ADAM32: variants seen among roughly 807,000 people sequenced by gnomAD.
ADAM32 encodes ADAM metallopeptidase domain 32, also known as disintegrin and metalloproteinase domain-containing protein 32.
ADAM32 carries 89 observed loss-of-function variants against 114.9 expected under a neutral mutation model. The observed-to-expected ratio is 0.77, with a 90% CI of 0.65 to 0.92. ADAM32 has a LOEUF of 0.92. Among genes scored for constraint, ADAM32 ranks in the 40% least tolerant of loss-of-function variants. The probability of loss-of-function intolerance (pLI) is 0.00; values close to 1 mark genes in which losing one functional copy is unlikely to be tolerated. For missense variants in ADAM32, 870 were observed against 932.8 expected (o/e 0.93, Z 0.88); for synonymous variants, 285 against 307.5 (o/e 0.93, Z 0.77).
intron 11 of ADAM32, 99 bp downstream of exon 11, chr8:39,187,144 A>G (rs1482379256): frequency 4.8e-5 from 52 of 1,077,056 alleles, no homozygotes; most frequent in Non-Finnish European, 6.6e-5. Flanking sequence ...TTAGCTATCA[A>G]TGGACCAAAT....
At position 39,110,163 on chromosome 8, in the gene ADAM32, G is replaced by A. The variant is rs189122361; in HGVS notation, c.58+2330G>A. 1.1e-3 allele frequency among the ~76,000 whole-genome samples: 163 copies of A among 152,142 alleles called. 1 individual carries two copies. The highest frequency in any genetic ancestry group is 3.9e-3 in the African/African-American group (160 of 41,492). On this transcript the variant is annotated intron_variant, in intron 1 of 24. Transcript: ENST00000379907. ...TGGCTCACTGCAAACTCCGCCTCCC[G>A]GTTCAAGCAATTTTCCTGCCTCAGC...
At chr8:39,202,824 A>G (rs1386196418) in intron 11 of ADAM32, among the ~76,000 whole-genome samples, 18 of 152,144 alleles carry the variant, frequency 1.2e-4, no homozygotes, top group Non-Finnish European at 2.6e-4. Context: ...AGATTCTGGT[A>G]TGTTGTGTCT....
At chr8:39,245,357 A>G (rs745554046) in intron 16 of ADAM32, among the ~76,000 whole-genome samples, 5 of 152,212 alleles carry the variant, frequency 3.3e-5, no homozygotes, top group Non-Finnish European at 7.3e-5. Context: ...TACAGTGTGC[A>G]CTGCTAGGAT....
At chr8:39,211,023 G>A (rs1352613620) in intron 11 of ADAM32, 121 bp from the exon 12 acceptor site, 28 of 869,320 alleles carry the variant, frequency 3.2e-5, no homozygotes, top group Non-Finnish European at 4.1e-5. Context: ...TGGCCTCTAA[G>A]CACTTATTAT....
chr8:39,217,335 G>A (rs937163047), intron 12 of ADAM32, among the ~76,000 whole-genome samples: 1 of 151,894 alleles, frequency 6.6e-6, no homozygotes, highest in African/African-American at 2.4e-5. Flanking sequence ...ATGCTTTGAG[G>A]TAGTTTTCTT....
intron 11 of ADAM32, among the ~76,000 whole-genome samples, chr8:39,207,260 G>A (rs1252939208): frequency 6.6e-6 from 1 of 151,898 alleles, no homozygotes; most frequent in Non-Finnish European, 1.5e-5. Flanking sequence ...TTATTTACTT[G>A]CTCTTTTGGT....
intron 15 of ADAM32, among the ~76,000 whole-genome samples, chr8:39,232,853 A>G (rs1809839242): frequency 6.6e-6 from 1 of 152,182 alleles, no homozygotes; most frequent in East Asian, 1.9e-4. Flanking sequence ...AACCTCTGTA[A>G]TGATTTATTT....
chr8:39,160,858 A>C, intron 6 of ADAM32, 39 bp from the exon 7 acceptor site: 1 of 1,504,268 alleles, frequency 6.6e-7, no homozygotes, highest in Non-Finnish European at 9.0e-7. Flanking sequence ...AAAATTATGA[A>C]ATTTTTCATG....
At chr8:39,269,510 T>C (rs937036337) in intron 19 of ADAM32, among the ~76,000 whole-genome samples, 2 of 152,252 alleles carry the variant, frequency 1.3e-5, no homozygotes, top group African/African-American at 4.8e-5. Flanking sequence ...ATTAATTTTC[T>C]TAGTTTACTC....
At chr8:39,221,518 T>C in intron 12 of ADAM32, 92 bp from the exon 13 acceptor site, 1 of 983,824 alleles carries the variant, frequency 1.0e-6, no homozygotes, top group Non-Finnish European at 1.5e-6. Flanking sequence ...CTTTTCCAAA[T>C]TCAAACAGTA....
intron 19 of ADAM32, among the ~76,000 whole-genome samples, chr8:39,257,557 T>C (rs913986735): frequency 1.3e-5 from 2 of 151,360 alleles, no homozygotes; most frequent in Non-Finnish European, 2.9e-5. Context: ...CCAAAGTCAT[T>C]GAACTGCTAG....
chr8:39,123,179 G>A (rs1801889080), intron 2 of ADAM32, among the ~76,000 whole-genome samples: 1 of 151,812 alleles, frequency 6.6e-6, no homozygotes, highest in Admixed American at 6.6e-5. Flanking sequence ...GTTTATTTCT[G>A]GACTTTCATG....
chr8:39,112,283 T>C (rs1385959792), intron 1 of ADAM32, among the ~76,000 whole-genome samples: 1 of 152,204 alleles, frequency 6.6e-6, no homozygotes, highest in Admixed American at 6.5e-5. Context: ...TTTATGTATG[T>C]CATCTATTTT....
At position 39,187,427 on chromosome 8, in the gene ADAM32, G is replaced by A. The variant is rs556137523; in HGVS notation, c.1052+382G>A. Reference sequence around the variant, plus strand: ...GCTGGGACTGCAGGCACCCGCCACCGTGCCCAGCTTATTTTTTGTATTTTT... The same window carrying A: ...GCTGGGACTGCAGGCACCCGCCACCATGCCCAGCTTATTTTTTGTATTTTT... On this transcript the variant is annotated intron_variant, in intron 11 of 24. Transcript: ENST00000379907. Among the ~76,000 whole-genome samples the A allele has an allele frequency of 2.0e-5, 3 of 152,138 alleles. No homozygotes were observed. The East Asian group carries it at 5.8e-4, about 29-fold the overall frequency.
intron 11 of ADAM32, among the ~76,000 whole-genome samples, chr8:39,187,560 C>T (rs1173865914): frequency 3.3e-5 from 5 of 152,284 alleles, no homozygotes; most frequent in South Asian, 2.1e-4. Context: ...CGTGAGCCAC[C>T]GCGCCCGGCC....
At chr8:39,120,335 G>A (rs139737225) in intron 2 of ADAM32, among the ~76,000 whole-genome samples, 3 of 152,196 alleles carry the variant, frequency 2.0e-5, no homozygotes, top group African/African-American at 7.2e-5. Context: ...GGGACTGTTG[G>A]TAGAAATATG....
chr8:39,122,114 T>C (rs1038635768), intron 2 of ADAM32, among the ~76,000 whole-genome samples: 1 of 152,196 alleles, frequency 6.6e-6, no homozygotes, highest in African/African-American at 2.4e-5. Context: ...AGTCATAACT[T>C]GTATCTCAAC....
chr8:39,254,558 C>T, intron 18 of ADAM32, 42 bp downstream of exon 18: 1 of 1,420,404 alleles, frequency 7.0e-7, no homozygotes, highest in Non-Finnish European at 9.5e-7. Context: ...ATAAAATTCT[C>T]AAATTGCTTA....
At chr8:39,201,553 TA>T (rs1807411899) in intron 11 of ADAM32, among the ~76,000 whole-genome samples, 1 of 152,226 alleles carries the variant, frequency 6.6e-6, no homozygotes, top group Admixed American at 6.5e-5. Flanking sequence ...TTTCTAGATA[TA>T]CAATCACGTC....
Sources: allele counts gnomAD v4.1 joint callset (sites outside exome capture counted in the v4.1 genomes callset), GRCh38; gene constraint gnomAD v4.1.1; transcripts MANE v1.5; gene names NCBI Gene and HGNC (gene_info 2026-07-23, HGNC 2026-07-21).